The following CPEB1 variants were observed in gnomAD, a reference collection of about 807,000 sequenced individuals.
CPEB1 encodes cytoplasmic polyadenylation element binding protein 1, also known as cytoplasmic polyadenylation element-binding protein 1.
Under a neutral mutation model 65.8 loss-of-function variants are expected in CPEB1, and 7 were observed. That is an observed-to-expected ratio of 0.11 (90% CI 0.06 to 0.20). The LOEUF is 0.20. Ranked by LOEUF, CPEB1 falls within the 10% of genes least tolerant of loss-of-function variation. The pLI, the probability that CPEB1 is intolerant of heterozygous loss-of-function variation, is 1.00. For missense variants in CPEB1, 551 were observed against 712.2 expected (o/e 0.77, Z 2.58); for synonymous variants, 262 against 260.0 (o/e 1.01, Z -0.08).
At chr15:82,590,704 T>C (rs531826911) in intron 3 of CPEB1, among the ~76,000 whole-genome samples, 182 of 152,326 alleles carry the variant, frequency 1.2e-3, no homozygotes, top group Non-Finnish European at 2.1e-3. Context: ...CCAGTGTCTA[T>C]TGTTCCCTTC....
At chr15:82,592,050 C>T (rs1355200314) in intron 3 of CPEB1, among the ~76,000 whole-genome samples, 2 of 151,528 alleles carry the variant, frequency 1.3e-5, no homozygotes, top group Non-Finnish European at 2.9e-5. Context: ...TGCCATATTT[C>T]CCAGGCTGGT....
intron 1 of CPEB1, among the ~76,000 whole-genome samples, chr15:82,643,624 CAAAA>C (rs1373989684): frequency 7.7e-6 from 1 of 129,658 alleles, no homozygotes. Flanking sequence ...GTCTCCATCT[CAAAA>C]AAAAAAAATC....
In CPEB1 at chr15:82,593,586, T is replaced by G. The variant is rs2042434329; in HGVS notation, c.272-22054A>C. On this transcript the variant is annotated intron_variant, in intron 3 of 12. Transcript: ENST00000684509. ...TCAACTTCTTCCAAATTCCTATTCA[T>G]GTTAATATTTTTACCTCCTCCCATG... Among the ~76,000 whole-genome samples, 3 of 152,322 alleles carry G rather than the reference T, an allele frequency of 2.0e-5. No individual in the cohort carries two copies. The South Asian group carries it at 6.2e-4, about 32-fold the overall frequency.
At chr15:82,632,797 G>C (rs949078074) in intron 1 of CPEB1, among the ~76,000 whole-genome samples, 1 of 151,986 alleles carries the variant, frequency 6.6e-6, no homozygotes, top group Non-Finnish European at 1.5e-5. Flanking sequence ...TCAAAGTGCT[G>C]GGATTACAGG....
chr15:82,600,668 T>C (rs1405247187), intron 3 of CPEB1, among the ~76,000 whole-genome samples: 5 of 152,120 alleles, frequency 3.3e-5, no homozygotes, highest in African/African-American at 9.7e-5. Context: ...AAGTCAATGA[T>C]AACATGTTGT....
At chr15:82,617,839 T>C (rs2044890399) in intron 3 of CPEB1, among the ~76,000 whole-genome samples, 1 of 141,066 alleles carries the variant, frequency 7.1e-6, no homozygotes, top group African/African-American at 2.6e-5. Flanking sequence ...GTTCACGCCA[T>C]TCTCCTGCCT....
intron 3 of CPEB1, among the ~76,000 whole-genome samples, chr15:82,623,248 A>C (rs2151301721): frequency 6.6e-6 from 1 of 152,350 alleles, no homozygotes; most frequent in Admixed American, 6.5e-5. Context: ...CTATCACAGC[A>C]CTTTTCCAAT....
chr15:82,638,768 C>T (rs1291249431), intron 1 of CPEB1: 2 of 152,212 alleles, frequency 1.3e-5, no homozygotes, highest in Non-Finnish European at 2.9e-5. Flanking sequence ...ATTTGTCACA[C>T]AGAATATTAA....
chr15:82,606,797 G>A (rs1394968038), intron 3 of CPEB1, among the ~76,000 whole-genome samples: 1 of 121,212 alleles, frequency 8.3e-6, no homozygotes, highest in Non-Finnish European at 1.6e-5. Context: ...CAGCCTGGGC[G>A]ACAGAGCGAG....
At chr15:82,616,493 TA>T (rs1311017495) in intron 3 of CPEB1, among the ~76,000 whole-genome samples, 3 of 152,146 alleles carry the variant, frequency 2.0e-5, no homozygotes, top group Non-Finnish European at 2.9e-5. Flanking sequence ...TAACATTTGT[TA>T]AAGATCGGTG....
chr15:82,620,576 T>C (rs563916281), intron 3 of CPEB1, among the ~76,000 whole-genome samples: 31 of 152,120 alleles, frequency 2.0e-4, no homozygotes, highest in African/African-American at 6.0e-4. Context: ...GGCAAGGAAT[T>C]TGCTTAAGCC....
At chr15:82,590,596 C>T (rs2042173921) in intron 3 of CPEB1, among the ~76,000 whole-genome samples, 1 of 152,142 alleles carries the variant, frequency 6.6e-6, no homozygotes, top group Non-Finnish European at 1.5e-5. Flanking sequence ...TTTTATCACC[C>T]AGGTGTCAAG....
intron 1 of CPEB1, among the ~76,000 whole-genome samples, chr15:82,634,767 T>TG (rs1555461719): frequency 6.6e-6 from 1 of 151,660 alleles, no homozygotes; most frequent in African/African-American, 2.4e-5. Context: ...ATTTAGACTT[T>TG]TTTAATTAAG....
chr15:82,607,408 T>C (rs896483623), intron 3 of CPEB1, among the ~76,000 whole-genome samples: 2 of 152,064 alleles, frequency 1.3e-5, no homozygotes, highest in African/African-American at 4.8e-5. Context: ...GCCAACATGG[T>C]GAAACCCCGT....
intron 4 of CPEB1, among the ~76,000 whole-genome samples, chr15:82,568,405 A>G (rs562928309): frequency 6.6e-6 from 1 of 152,192 alleles, no homozygotes; most frequent in South Asian, 2.1e-4. Flanking sequence ...GTATGAGAAA[A>G]ACGCACTTAT....
At chr15:82,622,990 G>A (rs1596121955) in intron 3 of CPEB1, among the ~76,000 whole-genome samples, 1 of 152,142 alleles carries the variant, frequency 6.6e-6, no homozygotes, top group African/African-American at 2.4e-5. Context: ...GTGACCTTTT[G>A]GTAAGCCCTG....
At position 82,546,510 on chromosome 15, in the gene CPEB1, G is replaced by A; in HGVS notation, c.1587C>T (p.Asp529=). The A allele has an allele frequency of 6.2e-7, 1 of 1,613,888 alleles. No homozygotes were observed. Among genetic ancestry groups the A allele is most frequent in the Non-Finnish European group, 8.5e-7 (1 of 1,179,772 alleles). ...TTKFTKKVQI[D]PYLEDSLCHI... ...GACACAGAGAATCTTCTAGGTAGGG[G>A]TCAATCTGAACCTGCACAAAGGCAA... is the stretch of plus-strand genomic sequence containing the variant. Residue 529 remains aspartate, a synonymous_variant, in exon 12 of 13, where the codon GAC becomes GAT. Coordinates refer to ENST00000684509, the MANE Select transcript of CPEB1 (RefSeq NM_001365242.1).
At chr15:82,624,853 G>A (rs572596589) in intron 3 of CPEB1, among the ~76,000 whole-genome samples, 1 of 151,122 alleles carries the variant, frequency 6.6e-6, no homozygotes, top group African/African-American at 2.4e-5. Context: ...TTTTGGCAGA[G>A]GTGGGCAGGG....
At chr15:82,626,575 C>CAACTTCAGG (rs2045795611) in intron 3 of CPEB1, among the ~76,000 whole-genome samples, 1 of 152,218 alleles carries the variant, frequency 6.6e-6, no homozygotes, top group African/African-American at 2.4e-5. Flanking sequence ...TGGAAAGAGT[C>CAACTTCAGG]AACTTCAGGG....
Sources: gnomAD v4.1 joint callset for allele counts (sites outside exome capture counted in the v4.1 genomes callset) on GRCh38, gnomAD v4.1.1 for gene constraint, MANE v1.5 for transcripts, NCBI Gene and HGNC (gene_info 2026-07-23, HGNC 2026-07-21) for gene names.